Variants in NAV2 observed in about 807,000 individuals in gnomAD.
NAV2 encodes the protein neuron navigator 2, also known as helicase, APC down-regulated 1.
NAV2 carries 54 observed loss-of-function variants against 223.2 expected under a neutral mutation model. That is an observed-to-expected ratio of 0.24 (90% CI 0.19 to 0.30). The LOEUF is 0.30. Among genes scored for constraint, NAV2 ranks in the 10% least tolerant of loss-of-function variants. The pLI, the probability that NAV2 is intolerant of heterozygous loss-of-function variation, is 1.00. For missense variants in NAV2, 2,806 were observed against 3,147.5 expected (o/e 0.89, Z 2.60); for synonymous variants, 1,279 against 1,239.3 (o/e 1.03, Z -0.67).
chr11:19,514,416 A>T (rs1003961664), intron 1 of NAV2, among the ~76,000 whole-genome samples: 18 of 152,006 alleles, frequency 1.2e-4, no homozygotes, highest in African/African-American at 4.4e-4. Flanking sequence ...ATTTTTACCG[A>T]CATTTTAGGT....
rs763117081 is a variant in NAV2 at position 19,868,987 on chromosome 11, G to A, written c.501G>A (p.Leu167=). 129 of 1,613,840 alleles carry A rather than the reference G, an allele frequency of 8.0e-5. No individual in the cohort carries two copies. Among genetic ancestry groups the A allele is most frequent in the Non-Finnish European group, 8.1e-5 (95 of 1,179,916 alleles). The change falls in exon 4 of 38, where the codon CTG becomes CTA. Residue 167 remains leucine, a synonymous_variant. Coordinates refer to ENST00000349880, the MANE Select transcript of NAV2 (RefSeq NM_145117.5). The stretch of plus-strand genomic sequence containing the variant: ...CTAAGGGAATAAACATCCAGGGGCT[G>A]TCTGCAGAAGGTGAGTCAGAGCGCT... ...LAAKGINIQG[L]SAEEIRNGNL...
chr11:19,958,785 C>T (rs1388308745), intron 10 of NAV2, among the ~76,000 whole-genome samples: 2 of 152,114 alleles, frequency 1.3e-5, no homozygotes, highest in African/African-American at 4.8e-5. Context: ...CCAGGCAGAC[C>T]AATAGCCTAA....
At chr11:19,909,403 A>G (rs950546749) in intron 6 of NAV2, among the ~76,000 whole-genome samples, 10 of 152,224 alleles carry the variant, frequency 6.6e-5, no homozygotes, top group Admixed American at 6.5e-4. Flanking sequence ...CAGCATAGAT[A>G]GAAGGCCTTT....
chr11:20,006,845 C>T (rs960792135), intron 11 of NAV2, among the ~76,000 whole-genome samples: 3 of 152,062 alleles, frequency 2.0e-5, no homozygotes, highest in African/African-American at 7.2e-5. Flanking sequence ...GAGCAAGACC[C>T]TATCTCAAAA....
intron 1 of NAV2, among the ~76,000 whole-genome samples, chr11:19,807,828 A>G (rs772743474): frequency 5.3e-5 from 8 of 152,228 alleles, no homozygotes; most frequent in Non-Finnish European, 1.2e-4. Context: ...CCTCCGTCTG[A>G]TACAGCAGGA....
At chr11:19,687,631 G>C (rs966227703) in intron 1 of NAV2, among the ~76,000 whole-genome samples, 29 of 152,224 alleles carry the variant, frequency 1.9e-4, no homozygotes, top group African/African-American at 6.5e-4. Context: ...CAGGGAAATT[G>C]TAAGTCTGCA....
At chr11:19,495,559 G>A (rs2042766397) in intron 1 of NAV2, among the ~76,000 whole-genome samples, 2 of 152,122 alleles carry the variant, frequency 1.3e-5, no homozygotes, top group South Asian at 4.1e-4. Flanking sequence ...GAAATGAGCT[G>A]TCATTCATTT....
intron 10 of NAV2, among the ~76,000 whole-genome samples, chr11:19,958,960 A>G (rs1457911701): frequency 6.6e-6 from 1 of 152,212 alleles, no homozygotes; most frequent in Non-Finnish European, 1.5e-5. Context: ...CAGATGCACA[A>G]TGAGTTTAAA....
upstream of NAV2, chr11:19,712,419 G>C (rs775104212): frequency 6.6e-6 from 1 of 152,188 alleles, no homozygotes; most frequent in Admixed American, 6.5e-5. Context: ...GACGAGCTTC[G>C]GCCCTGCCCA....
rs199759378 is a variant in NAV2 at position 19,955,391 on chromosome 11, G to A, written c.2645+6311G>A. Among the ~76,000 whole-genome samples the A allele has an allele frequency of 4.1e-3, 622 of 150,238 alleles. 13 individuals carry two copies. Among genetic ancestry groups the A allele is most frequent in the Admixed American group, 0.024 (368 of 15,080 alleles). The stretch of plus-strand genomic sequence containing the variant: ...GGTGACAGAGCAAGACCTTGTCTGA[G>A]AAAAAAAAAATGTCAAATGAATGCT... On this transcript the variant is annotated intron_variant, in intron 10 of 37. Transcript: ENST00000349880.
At chr11:19,574,363 C>T (rs1046667058) in intron 1 of NAV2, among the ~76,000 whole-genome samples, 10 of 152,202 alleles carry the variant, frequency 6.6e-5, no homozygotes, top group African/African-American at 2.4e-4. Context: ...AACCACAGGC[C>T]TGGCACTATT....
At chr11:19,543,568 G>A (rs1054499921) in intron 1 of NAV2, among the ~76,000 whole-genome samples, 10 of 152,168 alleles carry the variant, frequency 6.6e-5, no homozygotes, top group South Asian at 4.1e-4. Flanking sequence ...ATTAAAAAAC[G>A]TTCAATTTGG....
rs1324814882 is a variant in NAV2, at chr11:19,673,722, T to G, written c.76-158762T>G. On this transcript the variant is annotated intron_variant, in intron 1 of 37. Coordinates refer to the NAV2 transcript ENST00000360655. Reference sequence around the variant, plus strand: ...TTTAAACACCACAAGCACCAAAGCTTGCAACTTTCTGCTCTCGGGGCCTGT... The same window carrying G: ...TTTAAACACCACAAGCACCAAAGCTGGCAACTTTCTGCTCTCGGGGCCTGT... Among the ~76,000 whole-genome samples the G allele has an allele frequency of 2.0e-5, 3 of 152,168 alleles. No homozygotes were observed. The East Asian group carries it at 5.8e-4, about 29-fold the overall frequency.
In NAV2 at chr11:19,412,723, A is replaced by G. The variant is rs959058267; in HGVS notation, c.75+61696A>G. Reference sequence around the variant, plus strand: ...CCCTCTCTGATGAAGCTTCCAAAGGAAGAAACAGGCAGCAATCTTTGCTGT... The same window carrying G: ...CCCTCTCTGATGAAGCTTCCAAAGGGAGAAACAGGCAGCAATCTTTGCTGT... On this transcript the variant is annotated intron_variant, in intron 1 of 37. Transcript: ENST00000360655. 9.8e-5 allele frequency among the ~76,000 whole-genome samples: 15 copies of G among 152,338 alleles called. No homozygotes were observed. In the East Asian group the frequency reaches 2.9e-3, roughly 29 times the overall value.
intron 22 of NAV2, among the ~76,000 whole-genome samples, chr11:20,076,423 TCTCATCTGCTG>T (rs532734865): frequency 7.5e-4 from 114 of 152,350 alleles, no homozygotes; most frequent in Non-Finnish European, 2.8e-4. Context: ...TGGTGATCCT[TCTCATCTGCTG>T]CTCAAATGCC....
intron 1 of NAV2, among the ~76,000 whole-genome samples, chr11:19,360,252 C>T (rs1853855139): frequency 6.6e-6 from 1 of 152,186 alleles, no homozygotes; most frequent in Non-Finnish European, 1.5e-5. Flanking sequence ...TCAAATTCCT[C>T]ATTCCCCACC....
chr11:19,394,114 GCC>G (rs1849355825), intron 1 of NAV2, among the ~76,000 whole-genome samples: 1 of 152,092 alleles, frequency 6.6e-6, no homozygotes, highest in Non-Finnish European at 1.5e-5. Flanking sequence ...TAAACTCTGA[GCC>G]ATTCAGCATG....
intron 10 of NAV2, among the ~76,000 whole-genome samples, chr11:19,972,385 T>A (rs540268102): frequency 6.6e-6 from 1 of 152,292 alleles, no homozygotes; most frequent in African/African-American, 2.4e-5. Context: ...AATTTGAGCA[T>A]CCGATAGTCA....
At chr11:19,650,041 G>A (rs1300487881) in intron 1 of NAV2, among the ~76,000 whole-genome samples, 1 of 152,192 alleles carries the variant, frequency 6.6e-6, no homozygotes, top group African/African-American at 2.4e-5. Flanking sequence ...ATACAGTTAA[G>A]CATATACTTA....
Sources: allele counts gnomAD v4.1 joint callset (sites outside exome capture counted in the v4.1 genomes callset), GRCh38; gene constraint gnomAD v4.1.1; transcripts MANE v1.5; gene names NCBI Gene and HGNC (gene_info 2026-07-23, HGNC 2026-07-21).